Variants in CLRN3 observed in about 807,000 individuals in gnomAD.
CLRN3 encodes the protein clarin 3.
In CLRN3, 12 loss-of-function variants were observed where a neutral mutation model predicts 16.7. The ratio of observed to expected loss-of-function variants is 0.72; its 90% confidence interval spans 0.46 to 1.16. CLRN3 has a LOEUF of 1.16. Among genes scored for constraint, CLRN3 ranks in the 50% most tolerant of loss-of-function variants. CLRN3 has a pLI of 0.00. For synonymous variants in CLRN3, 118 were observed against 113.0 expected (o/e 1.04, Z -0.28); for missense variants, 296 against 274.2 (o/e 1.08, Z -0.56).
rs981766919 is a variant in CLRN3, at chr10:127,877,984, A to C, written c.*165T>G. The C allele has an allele frequency of 2.3e-6, 2 of 854,802 alleles. No homozygotes were observed. The highest frequency in any genetic ancestry group is 3.5e-6 in the Non-Finnish European group (2 of 570,336). 53.0% of individuals were successfully genotyped at this position (854,802 alleles called of 1,614,324 possible). A position where few individuals can be genotyped will look rare whatever the true frequency, so the allele number is the denominator to read the frequency against. ...TTCATTTCCCCAACCTTGTGGGAAA[A>C]ATTTTCAGGAGTACAGCATCAATGA... On this transcript the variant is annotated 3_prime_UTR_variant, in exon 3 of 3. Transcript: ENST00000368671.
At chr10:127,888,113 C>A (rs1176917660) in intron 1 of CLRN3, among the ~76,000 whole-genome samples, 4 of 152,218 alleles carry the variant, frequency 2.6e-5, no homozygotes, top group East Asian at 1.9e-4. Flanking sequence ...CAAGGGAGAG[C>A]CCGTGGCTTT....
At chr10:127,879,732 G>A (rs879675909) in intron 2 of CLRN3, among the ~76,000 whole-genome samples, 3 of 152,146 alleles carry the variant, frequency 2.0e-5, no homozygotes, top group Non-Finnish European at 4.4e-5. Flanking sequence ...AAAAACCATG[G>A]AATTGTATAC....
intron 2 of CLRN3, among the ~76,000 whole-genome samples, chr10:127,882,607 G>A (rs980347006): frequency 1.3e-5 from 2 of 152,136 alleles, no homozygotes; most frequent in African/African-American, 2.4e-5. Flanking sequence ...ACATGGAGAC[G>A]CTGGCCTCCT....
At chr10:127,885,667 C>T (rs1021897056) in intron 1 of CLRN3, among the ~76,000 whole-genome samples, 1 of 152,162 alleles carries the variant, frequency 6.6e-6, no homozygotes, top group Non-Finnish European at 1.5e-5. Context: ...GTCTTGATCT[C>T]CCGAGTTCAA....
At chr10:127,887,583 A>G (rs1263531118) in intron 1 of CLRN3, among the ~76,000 whole-genome samples, 1 of 151,998 alleles carries the variant, frequency 6.6e-6, no homozygotes, top group Non-Finnish European at 1.5e-5. Context: ...TATTTTCTGC[A>G]TATTAAGGTG....
chr10:127,878,337 A>G lies in CLRN3; in HGVS notation c.493T>C (p.Tyr165His). Reference protein sequence around the residue: ...QLSEELFQMLYPATTSKGTTH... With the variant: ...QLSEELFQMLHPATTSKGTTH... ...GTTCCTTTACTGGTGGTTGCCGGGTAAAGCATTTGGAACAACTCTTCGGAG... is the reference window on the plus strand; with the variant it reads ...GTTCCTTTACTGGTGGTTGCCGGGTGAAGCATTTGGAACAACTCTTCGGAG... Residue 165 changes from tyrosine to histidine, a missense_variant, in exon 3 of 3, where the codon TAC becomes CAC. Transcript: ENST00000368671. 1 of 1,614,194 alleles carries G rather than the reference A, an allele frequency of 6.2e-7. No homozygotes were observed. Among genetic ancestry groups the G allele is most frequent in the Non-Finnish European group, 8.5e-7 (1 of 1,180,036 alleles).
chr10:127,879,519 C>T (rs1475009842), intron 2 of CLRN3, among the ~76,000 whole-genome samples: 2 of 151,802 alleles, frequency 1.3e-5, no homozygotes, highest in African/African-American at 2.4e-5. Flanking sequence ...GTCATGTAGC[C>T]TTTCTGAGCC....
At chr10:127,892,257 A>G (rs1319011200) in intron 1 of CLRN3, among the ~76,000 whole-genome samples, 1 of 152,212 alleles carries the variant, frequency 6.6e-6, no homozygotes, top group Non-Finnish European at 1.5e-5. Flanking sequence ...TGGCTATTCA[A>G]TGCCGTATTG....
At chr10:127,879,898 G>A (rs974318666) in intron 2 of CLRN3, among the ~76,000 whole-genome samples, 1 of 152,116 alleles carries the variant, frequency 6.6e-6, no homozygotes, top group Non-Finnish European at 1.5e-5. Flanking sequence ...GGCCGCCAGG[G>A]GATCCTGGCC....
intron 1 of CLRN3, among the ~76,000 whole-genome samples, chr10:127,884,479 A>T (rs1238445340): frequency 6.6e-6 from 1 of 152,016 alleles, no homozygotes; most frequent in Non-Finnish European, 1.5e-5. Context: ...CCTACTTCAG[A>T]CTCCACTTCC....
rs149193697 is a variant in CLRN3 at position 127,883,706 on chromosome 10, G to C, written c.399C>G (p.Asn133Lys). The C allele has an allele frequency of 1.2e-6, 2 of 1,612,262 alleles. No homozygotes were observed. The highest frequency in any genetic ancestry group is 1.7e-6 in the Non-Finnish European group (2 of 1,178,506). The change falls in exon 2 of 3, where the codon AAC (asparagine) becomes AAG (lysine). Residue 133 changes from asparagine (N) to lysine (K), a missense_variant. Coordinates refer to ENST00000368671, the MANE Select transcript of CLRN3 (RefSeq NM_152311.5). ...FLGPTGVYTW[N>K]GLGASFVFVT... Reference sequence around the variant, plus strand: ...CACAGGGCCACTCACCACCGAGCCCGTTCCAGGTGTACACCCCCGTCGGCC... The same window carrying C: ...CACAGGGCCACTCACCACCGAGCCCCTTCCAGGTGTACACCCCCGTCGGCC...
At chr10:127,878,487 G>A (rs1845088118) in intron 2 of CLRN3, 67 bp from the exon 3 acceptor site, 1 of 1,583,604 alleles carries the variant, frequency 6.3e-7, no homozygotes, top group East Asian at 2.2e-5. Context: ...TATCTTTATG[G>A]AACACATATA....
intron 2 of CLRN3, among the ~76,000 whole-genome samples, chr10:127,880,337 T>C (rs1393056334): frequency 6.6e-6 from 1 of 152,058 alleles, no homozygotes; most frequent in African/African-American, 2.4e-5. Flanking sequence ...TGAGTCCCCT[T>C]TAGTGATGAG....
intron 1 of CLRN3, among the ~76,000 whole-genome samples, chr10:127,892,049 T>A (rs924791672): frequency 6.6e-6 from 1 of 152,196 alleles, no homozygotes; most frequent in Non-Finnish European, 1.5e-5. Context: ...AATAAATTAA[T>A]GGAAATTTAA....
At chr10:127,883,481 A>C (rs1690781912) in intron 2 of CLRN3, among the ~76,000 whole-genome samples, 1 of 152,232 alleles carries the variant, frequency 6.6e-6, no homozygotes. Flanking sequence ...AAGCCTCCTC[A>C]GCAGTGCATT....
In CLRN3 at chr10:127,892,743, A is replaced by G. The variant is rs764642712; in HGVS notation, c.42T>C (p.Phe14=). 10 of 1,613,430 alleles carry G rather than the reference A, an allele frequency of 6.2e-6. No homozygotes were observed. The highest frequency in any genetic ancestry group is 8.5e-6 in the Non-Finnish European group (10 of 1,179,714). The change falls in exon 1 of 3, where the codon TTT becomes TTC. Residue 14 remains phenylalanine, a synonymous_variant. Coordinates refer to ENST00000368671, the MANE Select transcript of CLRN3 (RefSeq NM_152311.5). ...TKKTLMFLSS[F]FTSLGSFIVI... ...CAATGAAGGACCCAAGGCTGGTGAA[A>G]AAGCTTGATAAGAACATCAATGTCT...
intron 1 of CLRN3, among the ~76,000 whole-genome samples, chr10:127,888,931 C>G (rs1234886775): frequency 6.6e-6 from 1 of 152,116 alleles, no homozygotes; most frequent in African/African-American, 2.4e-5. Flanking sequence ...ACGAGCAGGT[C>G]AGGGCCTCAC....
chr10:127,877,974 T>C lies in CLRN3; in HGVS notation c.*175A>G. On this transcript the variant is annotated 3_prime_UTR_variant, in exon 3 of 3. Transcript: ENST00000368671. ...ACATTTCCCATTCATTTCCCCAACC[T>C]TGTGGGAAAAATTTTCAGGAGTACA... The C allele has an allele frequency of 1.3e-6, 1 of 743,914 alleles. No homozygotes were observed. The highest frequency in any genetic ancestry group is 2.1e-6 in the Non-Finnish European group (1 of 470,624). 46.1% of individuals were successfully genotyped at this position (743,914 alleles called of 1,614,324 possible).
chr10:127,889,581 G>A (rs57347005), intron 1 of CLRN3, among the ~76,000 whole-genome samples: 2,909 of 150,496 alleles, frequency 0.019, 47 homozygotes, highest in Middle Eastern at 0.045. Flanking sequence ...CCGAGATGGC[G>A]CCACTGCACT....
Sources: allele counts gnomAD v4.1 joint callset (sites outside exome capture counted in the v4.1 genomes callset), GRCh38; gene constraint gnomAD v4.1.1; transcripts MANE v1.5; gene names NCBI Gene and HGNC (gene_info 2026-07-23, HGNC 2026-07-21).